PDS5A: variants seen among roughly 807,000 people sequenced by gnomAD.
The protein encoded by PDS5A is PDS5 cohesin associated factor A.
In PDS5A, 42 loss-of-function variants were observed where a neutral mutation model predicts 167.1. That is an observed-to-expected ratio of 0.25 (90% confidence interval 0.20 to 0.33). The LOEUF (loss-of-function observed/expected upper bound fraction) is 0.33. Among genes scored for constraint, PDS5A ranks in the 10% least tolerant of loss-of-function variants. PDS5A has a pLI of 1.00. For missense variants in PDS5A, 1,033 were observed against 1,605.9 expected (o/e 0.64, Z 6.10); for synonymous variants, 553 against 554.6 (o/e 1.00, Z 0.04).
At position 39,906,608 on chromosome 4, in the gene PDS5A, TA is replaced by T. The variant is rs760264029; in HGVS notation, c.1233+1786del. On this transcript the variant is annotated intron_variant, in intron 11 of 32. Coordinates refer to ENST00000303538, the MANE Select transcript of PDS5A (RefSeq NM_001100399.2). ...TAATAGTAAAAAAAAATCTGTGTAT[TA>T]AAAAAAAAAAAGCAGCAGCAGCAGC... 4.9e-3 allele frequency among the ~76,000 whole-genome samples: 681 copies of T among 139,394 alleles called. 2 individuals carry two copies. Among genetic ancestry groups the T allele is most frequent in the Middle Eastern group, 7.4e-3 (2 of 270 alleles). 91.4% of individuals were successfully genotyped at this position (139,394 alleles called of 152,430 possible). A position where few individuals can be genotyped will look rare whatever the true frequency, so the allele number is the denominator to read the frequency against.
At chr4:39,854,421 T>TA (rs1177847256) in intron 26 of PDS5A, among the ~76,000 whole-genome samples, 3 of 152,224 alleles carry the variant, frequency 2.0e-5, no homozygotes, top group African/African-American at 7.2e-5. Context: ...CAATGAATGT[T>TA]AGCTGGTTCC....
At chr4:39,895,696 T>C (rs1230340873) in intron 16 of PDS5A, among the ~76,000 whole-genome samples, 4 of 152,160 alleles carry the variant, frequency 2.6e-5, no homozygotes, top group Admixed American at 2.0e-4. Flanking sequence ...TTTTACTTGA[T>C]GAACTTCAAG....
chr4:39,955,650 A>AGG (rs1728854005), intron 2 of PDS5A, among the ~76,000 whole-genome samples: 1 of 151,828 alleles, frequency 6.6e-6, no homozygotes, highest in African/African-American at 2.4e-5. Flanking sequence ...AAGGTGACTG[A>AGG]GGGGAGGCAT....
Position 39,923,642 on chromosome 4 carries a change from C to CACACACACAA in PDS5A, c.528-895_528-894insTTGTGTGTGT, listed in dbSNP as rs767913218. On this transcript the variant is annotated intron_variant, in intron 5 of 32. Transcript: ENST00000303538. Reference sequence around the variant, plus strand: ...CAGACCAAGACCCTGTCTCAAAACACACACACACACACACACACACACACA... The same window carrying CACACACACAA: ...CAGACCAAGACCCTGTCTCAAAACACACACACACAAACACACACACACACACACACACACA... Among the ~76,000 whole-genome samples, 823 of 148,102 alleles carry CACACACACAA rather than the reference C, an allele frequency of 5.6e-3. 10 individuals are homozygous for CACACACACAA. Among genetic ancestry groups the CACACACACAA allele is most frequent in the African/African-American group, 0.017 (655 of 39,482 alleles).
chr4:39,889,495 T>C (rs1436514057), intron 17 of PDS5A, among the ~76,000 whole-genome samples: 1 of 152,232 alleles, frequency 6.6e-6, no homozygotes, highest in Non-Finnish European at 1.5e-5. Flanking sequence ...CTCTGAATTC[T>C]AGGCTGTTTG....
At chr4:39,913,574 T>C (rs777617055) in intron 9 of PDS5A, 37 bp downstream of exon 9, 8 of 1,160,290 alleles carry the variant, frequency 6.9e-6, no homozygotes, top group Non-Finnish European at 1.0e-5. Flanking sequence ...CTGACTATTT[T>C]CTAAAATATA....
At position 39,910,227 on chromosome 4, in the gene PDS5A, T is replaced by TA; in HGVS notation, c.1087+16dup. 1 of 1,359,462 alleles carries TA rather than the reference T, an allele frequency of 7.4e-7. No individual in the cohort carries two copies. Among genetic ancestry groups the TA allele is most frequent in the African/African-American group, 1.4e-5 (1 of 70,332 alleles). The allele number at this position is 1,359,462 out of a possible 1,614,324, so 84.2% of individuals were successfully genotyped here. On this transcript the variant is annotated intron_variant, in intron 10 of 32. Transcript: ENST00000303538. The stretch of plus-strand genomic sequence containing the variant: ...TGTATGGTTATGCTAATATGTGTAA[T>TA]AAACCAGCTAGCTTACCTGTGAGAT...
chr4:39,914,937 C>T (rs964069621), intron 8 of PDS5A, among the ~76,000 whole-genome samples: 1 of 152,074 alleles, frequency 6.6e-6, no homozygotes, highest in South Asian at 2.1e-4. Flanking sequence ...AATGTTTTAA[C>T]GTTCAAGAAC....
rs191339646 is a variant in PDS5A at position 39,924,794 on chromosome 4, T to C, written c.527+1042A>G. ...ATGTAATGCTCTAGAACACTTCTCA[T>C]AACAGTGCTTAATTTACTATACAAA... On this transcript the variant is annotated intron_variant, in intron 5 of 32. Coordinates refer to ENST00000303538, the MANE Select transcript of PDS5A (RefSeq NM_001100399.2). Among the ~76,000 whole-genome samples, 6 of 152,326 alleles carry C rather than the reference T, an allele frequency of 3.9e-5. No individual in the cohort carries two copies. The East Asian group carries it at 7.7e-4, about 20-fold the overall frequency.
intron 17 of PDS5A, among the ~76,000 whole-genome samples, chr4:39,887,242 T>C (rs995715082): frequency 6.6e-6 from 1 of 152,188 alleles, no homozygotes. Flanking sequence ...ATGTTCAGTG[T>C]GGGTGTGTCA....
chr4:39,897,866 G>GAAAA, intron 16 of PDS5A: 2 of 151,244 alleles, frequency 1.3e-5, no homozygotes, highest in Non-Finnish European at 2.3e-5. Context: ...ACTATCTCAG[G>GAAAA]AAAAAAAAAA....
At position 39,913,722 on chromosome 4, in the gene PDS5A, T is replaced by G; in HGVS notation, c.881A>C (p.Asn294Thr). The G allele has an allele frequency of 1.9e-6, 3 of 1,558,614 alleles. No individual in the cohort carries two copies. Among genetic ancestry groups the G allele is most frequent in the Non-Finnish European group, 2.7e-6 (3 of 1,129,612 alleles). Reference protein sequence around the residue: ...MPQLEFKLKSNDGEERLAVVR... With the variant: ...MPQLEFKLKSTDGEERLAVVR... Reference sequence around the variant, plus strand: ...AACAGCTAATCGCTCTTCTCCATCATTGCTCTAAGAAGGGAAAACAGAAAG... The same window carrying G: ...AACAGCTAATCGCTCTTCTCCATCAGTGCTCTAAGAAGGGAAAACAGAAAG... The change falls in exon 9 of 33, where the codon AAT becomes ACT. Residue 294 changes from asparagine (N) to threonine (T), a missense_variant. Physicochemically the swap from Asn to Thr is moderately conservative, Grantham distance 65. This residue lies in a region of PDS5A where 388 missense variants were observed against 615.1 expected (regional missense o/e 0.63). Transcript: ENST00000303538.
At chr4:39,913,205 C>G (rs142736715) in intron 9 of PDS5A, among the ~76,000 whole-genome samples, 95 of 152,030 alleles carry the variant, frequency 6.2e-4, no homozygotes, top group African/African-American at 2.3e-3. Context: ...CCGCCTCAGC[C>G]TCTTGCGTAG....
At chr4:39,866,756 T>A (rs1719491341) in intron 23 of PDS5A, 105 bp downstream of exon 23, 2 of 927,146 alleles carry the variant, frequency 2.2e-6, no homozygotes, top group Non-Finnish European at 3.2e-6. Flanking sequence ...ACCCTGAAGA[T>A]CATGGTGTAA....
chr4:39,878,785 C>A (rs1026437318), intron 18 of PDS5A, among the ~76,000 whole-genome samples: 1 of 152,008 alleles, frequency 6.6e-6, no homozygotes, highest in African/African-American at 2.4e-5. Flanking sequence ...CACTCTGACG[C>A]CAAGCTGGAG....
chr4:39,954,683 A>C (rs1173055147), intron 2 of PDS5A, among the ~76,000 whole-genome samples: 4 of 151,102 alleles, frequency 2.6e-5, no homozygotes, highest in African/African-American at 9.7e-5. Context: ...AAAAAAAAAA[A>C]AAAAAAAAAA....
At chr4:39,883,500 A>G (rs1335872183) in intron 17 of PDS5A, among the ~76,000 whole-genome samples, 2 of 151,488 alleles carry the variant, frequency 1.3e-5, no homozygotes, top group Non-Finnish European at 2.9e-5. Context: ...CACCTTTTCA[A>G]GGTATTTAAA....
intron 6 of PDS5A, 45 bp from the exon 7 acceptor site, chr4:39,920,444 T>A: frequency 1.1e-6 from 1 of 898,964 alleles, no homozygotes. Context: ...AAATGTTAAT[T>A]TATGAGATAG....
intron 2 of PDS5A, among the ~76,000 whole-genome samples, chr4:39,967,033 G>A (rs1730034999): frequency 6.6e-6 from 1 of 151,930 alleles, no homozygotes; most frequent in Admixed American, 6.6e-5. Flanking sequence ...GGCTGGGTGT[G>A]GTGGCTCACG....
Sources: gnomAD v4.1 joint callset for allele counts (sites outside exome capture counted in the v4.1 genomes callset) on GRCh38, gnomAD v4.1.1 for gene constraint, gnomAD v4.1.1 regional missense constraint, MANE v1.5 for transcripts, NCBI Gene and HGNC (gene_info 2026-07-23, HGNC 2026-07-21) for gene names.